The following PARP1 variants were observed in gnomAD, a reference collection of about 807,000 sequenced individuals.
PARP1 encodes the protein poly(ADP-ribose) polymerase 1.
A neutral mutation model predicts 118.7 loss-of-function variants in PARP1; 44 were observed. The ratio of observed to expected loss-of-function variants is 0.37; its 90% CI spans 0.29 to 0.48. The LOEUF is 0.48. Among genes scored for constraint, PARP1 ranks in the 20% least tolerant of loss-of-function variants. The probability of loss-of-function intolerance (pLI) is 0.99; values close to 1 mark genes in which losing one functional copy is unlikely to be tolerated. For synonymous variants in PARP1, 492 were observed against 483.2 expected, an observed-to-expected ratio of 1.02 and a Z score of -0.24; for missense variants, 1,100 against 1,272.4, an observed-to-expected ratio of 0.86 and a Z score of 2.06.
At chr1:226,386,296 C>A (rs372802225) in intron 6 of PARP1, 30 bp downstream of exon 6, 1 of 1,360,576 alleles carries the variant, frequency 7.3e-7, no homozygotes, top group Non-Finnish European at 1.1e-6. Context: ...GCCTCACATG[C>A]GTGTCCCACT....
intron 14 of PARP1, among the ~76,000 whole-genome samples, chr1:226,373,567 G>A (rs1233698024): frequency 1.3e-5 from 2 of 152,192 alleles, no homozygotes; most frequent in Non-Finnish European, 1.5e-5. Flanking sequence ...CAGGAAACAC[G>A]GAGCCTCTGC....
At chr1:226,405,688 G>A (rs997344312) in intron 1 of PARP1, among the ~76,000 whole-genome samples, 3 of 152,098 alleles carry the variant, frequency 2.0e-5, no homozygotes, top group Admixed American at 6.5e-5. Flanking sequence ...CCTCCACAGC[G>A]GTGTTGTTCT....
intron 21 of PARP1, 114 bp downstream of exon 21, chr1:226,362,985 T>C: frequency 1.3e-6 from 1 of 780,158 alleles, no homozygotes. Flanking sequence ...ATAAAATGAA[T>C]CTCCAGCTGT....
At chr1:226,380,861 T>A (rs1002987023) in intron 9 of PARP1, among the ~76,000 whole-genome samples, 2 of 152,204 alleles carry the variant, frequency 1.3e-5, no homozygotes, top group African/African-American at 4.8e-5. Flanking sequence ...CCGTCTTTAG[T>A]TGAGAACACG....
At chr1:226,363,604 T>C (rs1664196502) in intron 20 of PARP1, among the ~76,000 whole-genome samples, 1 of 152,128 alleles carries the variant, frequency 6.6e-6, no homozygotes, top group Non-Finnish European at 1.5e-5. Context: ...TTTGGGTTGG[T>C]CTAAGAAAAC....
Position 226,381,024 on chromosome 1 carries a change from T to C in PARP1, c.1300+44A>G, listed in dbSNP as rs780859586. ...CTTACTCGTCATCACAATCATAAGATACAGAAGCATTGTCCCTGTTGCACA... is the reference window on the plus strand; with the variant it reads ...CTTACTCGTCATCACAATCATAAGACACAGAAGCATTGTCCCTGTTGCACA... On this transcript the variant is annotated intron_variant, in intron 9 of 22. Coordinates refer to ENST00000366794, the MANE Select transcript of PARP1 (RefSeq NM_001618.4). 63 of 1,609,182 alleles carry C rather than the reference T, an allele frequency of 3.9e-5. No homozygotes were observed. The South Asian group carries it at 6.3e-4, about 16-fold the overall frequency.
intron 5 of PARP1, among the ~76,000 whole-genome samples, chr1:226,387,338 T>C (rs890097290): frequency 6.6e-6 from 1 of 152,148 alleles, no homozygotes; most frequent in African/African-American, 2.4e-5. Context: ...TATCAGCCTC[T>C]CCATTTTAAA....
Position 226,365,150 on chromosome 1 carries a change from A to C in PARP1, c.2510T>G (p.Phe837Cys), listed in dbSNP as rs1180220979. 6.2e-7 allele frequency: 1 copy of C among 1,614,074 alleles called. No homozygotes were observed. The highest frequency in any genetic ancestry group is 2.2e-5 in the East Asian group (1 of 44,896). The change falls in exon 19 of 23, where the codon TTT (phenylalanine) becomes TGT (cysteine). Residue 837 changes from phenylalanine to cysteine, a missense_variant. Coordinates refer to ENST00000366794, the MANE Select transcript of PARP1 (RefSeq NM_001618.4). ...GCATTCGCCTTCACGCTCTATCTTA[A>C]AGATCTGGTTGGAGTAGTAAACAAA... ...NAYDLEVIDI[F>C]KIEREGECQR... is the part of the protein sequence containing the mutation.
rs13306119 is a variant in PARP1 at position 226,368,301 on chromosome 1, G to T, written c.2175C>A (p.Ser725Arg). ...TTGAGAGATCCAGGATCTGAGAGTC[G>T]CTGCTGCCCTGAGACACCGCCTGGA... is the stretch of plus-strand genomic sequence containing the variant. ...EVQQAVSQGS[S>R]DSQILDLSNR... The change falls in exon 16 of 23, where the codon AGC becomes AGA. Residue 725 changes from serine (S) to arginine (R), a missense_variant. By Grantham distance (110) the Ser-to-Arg change is moderately radical. Transcript: ENST00000366794. The T allele has an allele frequency of 5.8e-5, 93 of 1,614,146 alleles. 1 individual carries two copies. In the South Asian group the frequency reaches 9.3e-4, roughly 16 times the overall value.
intron 2 of PARP1, among the ~76,000 whole-genome samples, chr1:226,398,356 C>A (rs1164274544): frequency 6.6e-6 from 1 of 151,968 alleles, no homozygotes; most frequent in Non-Finnish European, 1.5e-5. Flanking sequence ...GTCTGGGCAA[C>A]AAGGTGGGGC....
intron 7 of PARP1, among the ~76,000 whole-genome samples, chr1:226,385,102 TGGATC>T (rs1664690557): frequency 2.3e-4 from 35 of 152,356 alleles, no homozygotes; most frequent in Admixed American, 2.3e-3. Flanking sequence ...ACGTGAACCC[TGGATC>T]CAATTCTCCT....
chr1:226,377,269 T>C lies in PARP1; in HGVS notation c.1780A>G (p.Thr594Ala), dbSNP rs1264024588. The stretch of plus-strand genomic sequence containing the variant: ...TCCAGTTTGTTGCTACCGATCACCG[T>C]ACCCACACGGCCCCAGGACCTGAAT... Reference protein sequence around the residue: ...WIFRSWGRVGTVIGSNKLEQM... With the variant: ...WIFRSWGRVGAVIGSNKLEQM... Residue 594 changes from threonine to alanine, a missense_variant, in exon 13 of 23, where the codon ACG becomes GCG. Thr to Ala is a moderately conservative substitution (Grantham distance 58). This residue lies in a region of PARP1 where 948 missense variants were observed against 1,031.8 expected (regional missense o/e 0.92). Transcript: ENST00000366794. 6.2e-7 allele frequency: 1 copy of C among 1,614,064 alleles called. No individual in the cohort carries two copies. The highest frequency in any genetic ancestry group is 2.2e-5 in the East Asian group (1 of 44,884).
intron 13 of PARP1, among the ~76,000 whole-genome samples, chr1:226,375,003 C>T (rs916337894): frequency 2.6e-5 from 4 of 152,326 alleles, no homozygotes; most frequent in African/African-American, 9.6e-5. Flanking sequence ...ACTGAAACTG[C>T]TTTAACTCTT....
At chr1:226,397,636 G>C (rs931564160) in intron 2 of PARP1, among the ~76,000 whole-genome samples, 1 of 152,152 alleles carries the variant, frequency 6.6e-6, no homozygotes, top group African/African-American at 2.4e-5. Context: ...TCTGGTTGTT[G>C]AAAAATGTGT....
intron 3 of PARP1, 87 bp from the exon 4 acceptor site, chr1:226,390,711 G>A: frequency 7.9e-7 from 1 of 1,270,256 alleles, no homozygotes. Flanking sequence ...CAGCCAGTGA[G>A]GAGCTGAGGG....
At chr1:226,365,574 C>A (rs1271655730) in intron 18 of PARP1, among the ~76,000 whole-genome samples, 1 of 152,184 alleles carries the variant, frequency 6.6e-6, no homozygotes, top group East Asian at 1.9e-4. Context: ...CAAGACCAGC[C>A]TGGCCAACAT....
Position 226,368,218 on chromosome 1 carries a change from T to C in PARP1, c.2258A>G (p.Asn753Ser), listed in dbSNP as rs750433158. The C allele has an allele frequency of 6.2e-7, 1 of 1,614,206 alleles. No homozygotes were observed. Residue 753 changes from asparagine (N) to serine (S), a missense_variant, in exon 16 of 23, where the codon AAC becomes AGC. This residue lies in a region of PARP1 where 948 missense variants were observed against 1,031.8 expected (regional missense o/e 0.92). Coordinates refer to ENST00000366794, the MANE Select transcript of PARP1 (RefSeq NM_001618.4). ...CGCTACCTGCACACTGTCTGCATTG[T>C]TCAGGAGCGGAGGCTTCTTCATCCC... is the stretch of plus-strand genomic sequence containing the variant. ...DFGMKKPPLL[N>S]NADSVQAKVE...
At position 226,403,015 on chromosome 1, in the gene PARP1, G is replaced by A. The variant is rs3219026; in HGVS notation, c.121-636C>T. Among the ~76,000 whole-genome samples the A allele has an allele frequency of 3.7e-3, 564 of 152,352 alleles. 4 individuals are homozygous for A. The highest frequency in any genetic ancestry group is 0.031 in the Middle Eastern group (9 of 294). Reference sequence around the variant, plus strand: ...AGGCAACTGTGACAGCGGATGGTTCGGGGCAGCATGCCTAGAGCTGGAGTC... The same window carrying A: ...AGGCAACTGTGACAGCGGATGGTTCAGGGCAGCATGCCTAGAGCTGGAGTC... On this transcript the variant is annotated intron_variant, in intron 1 of 22. Coordinates refer to ENST00000366794, the MANE Select transcript of PARP1 (RefSeq NM_001618.4).
chr1:226,397,000 C>T (rs1664936059), intron 2 of PARP1, among the ~76,000 whole-genome samples: 1 of 151,826 alleles, frequency 6.6e-6, no homozygotes, highest in Non-Finnish European at 1.5e-5. Flanking sequence ...CACAGAACAA[C>T]AAAAATGTCA....
Sources: gnomAD v4.1 joint callset for allele counts (sites outside exome capture counted in the v4.1 genomes callset) on GRCh38, gnomAD v4.1.1 for gene constraint, gnomAD v4.1.1 regional missense constraint, MANE v1.5 for transcripts, NCBI Gene and HGNC (gene_info 2026-07-23, HGNC 2026-07-21) for gene names.